Variants in SLC4A10 observed in about 807,000 individuals in gnomAD.
SLC4A10 encodes sodium-driven chloride bicarbonate exchanger.
SLC4A10 carries 42 observed loss-of-function variants against 137.7 expected under a neutral mutation model. The ratio of observed to expected loss-of-function variants is 0.30; its 90% CI spans 0.24 to 0.39. The LOEUF is 0.39. Among genes scored for constraint, SLC4A10 ranks in the 10% least tolerant of loss-of-function variants. SLC4A10 has a pLI of 1.00. For missense variants in SLC4A10, 925 were observed against 1,355.0 expected (o/e 0.68, Z 4.98); for synonymous variants, 474 against 464.1 (o/e 1.02, Z -0.27).
intron 1 of SLC4A10, among the ~76,000 whole-genome samples, chr2:161,700,409 A>C (rs978153514): frequency 2.0e-5 from 3 of 152,050 alleles, no homozygotes; most frequent in African/African-American, 7.2e-5. Context: ...AAATAATGAG[A>C]ATAGAGAAAT....
intron 21 of SLC4A10, among the ~76,000 whole-genome samples, chr2:161,960,214 A>T (rs1393277228): frequency 6.6e-6 from 1 of 151,826 alleles, no homozygotes; most frequent in African/African-American, 2.4e-5. Flanking sequence ...AAATATAAAA[A>T]TTATCTGGGC....
intron 2 of SLC4A10, among the ~76,000 whole-genome samples, chr2:161,790,341 C>G (rs1172061467): frequency 6.6e-6 from 1 of 152,132 alleles, no homozygotes; most frequent in Non-Finnish European, 1.5e-5. Context: ...ATTATCTTCT[C>G]TGCTGTACCA....
At chr2:161,974,122 A>G in intron 23 of SLC4A10, 127 bp from the exon 24 acceptor site, 1 of 670,736 alleles carries the variant, frequency 1.5e-6, no homozygotes, top group South Asian at 2.8e-5. Context: ...GCTAACATTA[A>G]TAAATGCAAA....
At chr2:161,728,875 T>A (rs912834359) in intron 1 of SLC4A10, among the ~76,000 whole-genome samples, 1 of 152,186 alleles carries the variant, frequency 6.6e-6, no homozygotes, top group Non-Finnish European at 1.5e-5. Context: ...TTAGGTTTTA[T>A]CTTGGGAATG....
At chr2:161,671,686 T>TA (rs1396357918) in intron 1 of SLC4A10, among the ~76,000 whole-genome samples, 1 of 151,936 alleles carries the variant, frequency 6.6e-6, no homozygotes, top group African/African-American at 2.4e-5. Context: ...AAATCTAAAA[T>TA]AAAAAAGAAA....
Position 161,856,694 on chromosome 2 carries a change from T to C in SLC4A10, c.577+1564T>C, listed in dbSNP as rs923915790. Among the ~76,000 whole-genome samples the C allele has an allele frequency of 6.6e-5, 10 of 152,162 alleles. No homozygotes were observed. In the South Asian group the frequency reaches 1.2e-3, roughly 19 times the overall value. The stretch of plus-strand genomic sequence containing the variant: ...CTTGCTAATACCCAATAAACATTTT[T>C]ATATTTTAATTAGGAATGAAACAGC... On this transcript the variant is annotated intron_variant, in intron 5 of 26. Coordinates refer to ENST00000446997, the MANE Select transcript of SLC4A10 (RefSeq NM_001178015.2).
Position 161,758,186 on chromosome 2 carries a change from C to A in SLC4A10, c.49-12787C>A, listed in dbSNP as rs369882162. On this transcript the variant is annotated intron_variant, in intron 1 of 26. Transcript: ENST00000446997. ...GTAAATTACATGTATACTAATAGTT[C>A]TACTACTTTTTAAGTTATATGATAA... Among the ~76,000 whole-genome samples, 19 of 151,818 alleles carry A rather than the reference C, an allele frequency of 1.3e-4. No homozygotes were observed. The South Asian group carries it at 4.0e-3, about 32-fold the overall frequency.
chr2:161,958,693 AG>A, intron 21 of SLC4A10, 138 bp downstream of exon 21: 1 of 573,894 alleles, frequency 1.7e-6, no homozygotes. Flanking sequence ...CAAACTTGTC[AG>A]AGTTACAAAA....
At chr2:161,839,095 T>C (rs2059004693) in intron 3 of SLC4A10, among the ~76,000 whole-genome samples, 1 of 151,922 alleles carries the variant, frequency 6.6e-6, no homozygotes, top group Non-Finnish European at 1.5e-5. Context: ...AAGCAAAGAG[T>C]GGTACATTCC....
rs2034912689 is a variant in SLC4A10 at position 161,639,130 on chromosome 2, A to G, written c.48+14564A>G. Among the ~76,000 whole-genome samples, 4 of 152,150 alleles carry G rather than the reference A, an allele frequency of 2.6e-5. No homozygotes were observed. In the South Asian group the frequency reaches 8.3e-4, roughly 32 times the overall value. ...CAATAACAAGTAATGAGATTGAATCAGTAATAAAAAGTCTCCCATCAAAGA... is the reference window on the plus strand; with the variant it reads ...CAATAACAAGTAATGAGATTGAATCGGTAATAAAAAGTCTCCCATCAAAGA... On this transcript the variant is annotated intron_variant, in intron 1 of 26. Coordinates refer to ENST00000446997, the MANE Select transcript of SLC4A10 (RefSeq NM_001178015.2).
intron 15 of SLC4A10, among the ~76,000 whole-genome samples, chr2:161,910,679 C>G (rs1035114729): frequency 9.9e-5 from 15 of 152,060 alleles, no homozygotes; most frequent in African/African-American, 3.6e-4. Flanking sequence ...TAATGATTAC[C>G]AAGCTGTTGA....
At chr2:161,721,820 C>T (rs756619957) in intron 1 of SLC4A10, among the ~76,000 whole-genome samples, 10 of 152,112 alleles carry the variant, frequency 6.6e-5, no homozygotes, top group South Asian at 2.1e-4. Context: ...TTTCAGGTAC[C>T]CCAATCCGTC....
intron 6 of SLC4A10, among the ~76,000 whole-genome samples, chr2:161,868,982 A>G (rs908297775): frequency 6.6e-6 from 1 of 151,696 alleles, no homozygotes; most frequent in Non-Finnish European, 1.5e-5. Flanking sequence ...GGACAAAGGT[A>G]ATATAAAGAA....
intron 24 of SLC4A10, among the ~76,000 whole-genome samples, chr2:161,975,485 T>C (rs1699241332): frequency 6.6e-6 from 1 of 152,208 alleles, no homozygotes; most frequent in African/African-American, 2.4e-5. Flanking sequence ...AGAAGACTCT[T>C]CCTCACATAA....
chr2:161,941,452 C>T (rs961538710), intron 15 of SLC4A10, among the ~76,000 whole-genome samples: 1 of 152,090 alleles, frequency 6.6e-6, no homozygotes, highest in African/African-American at 2.4e-5. Context: ...CATGAAGGGG[C>T]ACACGTGTAG....
chr2:161,653,594 C>G (rs925898951), intron 1 of SLC4A10, among the ~76,000 whole-genome samples: 8 of 152,144 alleles, frequency 5.3e-5, no homozygotes, highest in Admixed American at 1.3e-4. Flanking sequence ...CTTTCTCTTC[C>G]TATGAATTTG....
At chr2:161,835,876 A>G (rs912048178) in intron 3 of SLC4A10, among the ~76,000 whole-genome samples, 2 of 152,170 alleles carry the variant, frequency 1.3e-5, no homozygotes, top group Non-Finnish European at 2.9e-5. Context: ...TGGGGGATTT[A>G]TTCAGTTTGT....
chr2:161,676,068 A>C (rs1032246728), intron 1 of SLC4A10, among the ~76,000 whole-genome samples: 8 of 152,218 alleles, frequency 5.3e-5, no homozygotes, highest in South Asian at 2.1e-4. Flanking sequence ...GGGTGGATTT[A>C]AAGTGTTCCA....
rs1357655175 is a variant in SLC4A10, at chr2:161,983,138, T to C, written c.*27-41T>C. 4.6e-6 allele frequency: 7 copies of C among 1,519,600 alleles called. No individual in the cohort carries two copies. In the East Asian group the frequency reaches 1.7e-4, roughly 37 times the overall value. The allele number at this position is 1,519,600 out of a possible 1,614,324, so 94.1% of individuals were successfully genotyped here. On this transcript the variant is annotated intron_variant, in intron 26 of 26. Transcript: ENST00000446997. The stretch of plus-strand genomic sequence containing the variant: ...CAAGCAGATGTCATAGTAGCCATGC[T>C]GGATTGCAGTAATAAATGTGTCCTT...
Sources: gnomAD v4.1 joint callset for allele counts (sites outside exome capture counted in the v4.1 genomes callset) on GRCh38, gnomAD v4.1.1 for gene constraint, MANE v1.5 for transcripts, NCBI Gene and HGNC (gene_info 2026-07-23, HGNC 2026-07-21) for gene names.